Variants in SHANK2 observed in about 807,000 individuals in gnomAD.
The protein encoded by SHANK2 is SH3 and multiple ankyrin repeat domains 2.
SHANK2 carries 43 observed loss-of-function variants against 133.7 expected under a neutral mutation model. The ratio of observed to expected loss-of-function variants is 0.32; its 90% CI spans 0.25 to 0.41. SHANK2 has a LOEUF of 0.41. Ranked by LOEUF, SHANK2 falls within the 10% of genes least tolerant of loss-of-function variation. SHANK2 has a pLI of 1.00. For synonymous variants in SHANK2, 1,017 were observed against 952.8 expected (o/e 1.07, Z -1.24); for missense variants, 1,994 against 2,235.8 (o/e 0.89, Z 2.18).
Position 70,502,279 on chromosome 11 carries a change from C to T in SHANK2, c.2205G>A (p.Pro735=), listed in dbSNP as rs367733874. ...PDDTARKKAP[P]PPKRAPTTAL... ...CTGTGGTCGGTGCCCGCTTTGGAGG[C>T]GGGGGAGCTGGAGGGCAGAGGAGAG... is the stretch of plus-strand genomic sequence containing the variant. Residue 735 remains proline (P), a synonymous_variant, in exon 19 of 26, where the codon CCG becomes CCA. Transcript: ENST00000601538. 19 of 1,555,164 alleles carry T rather than the reference C, an allele frequency of 1.2e-5. No individual in the cohort carries two copies. The highest frequency in any genetic ancestry group is 1.1e-4 in the African/African-American group (8 of 73,748).
At chr11:70,716,762 G>C (rs553095489) in intron 14 of SHANK2, among the ~76,000 whole-genome samples, 1 of 152,200 alleles carries the variant, frequency 6.6e-6, no homozygotes, top group Non-Finnish European at 1.5e-5. Context: ...AAGACCAGCG[G>C]GGAGACTGGG....
At chr11:70,675,625 G>A (rs1358330270) in intron 15 of SHANK2, among the ~76,000 whole-genome samples, 2 of 152,240 alleles carry the variant, frequency 1.3e-5, no homozygotes, top group Non-Finnish European at 2.9e-5. Flanking sequence ...CTAGCAGCAT[G>A]TTCTGGAGAA....
Position 70,820,602 on chromosome 11 carries a change from G to C in SHANK2, c.1255C>G (p.Arg419Gly). 1 of 715,488 alleles carries C rather than the reference G, an allele frequency of 1.4e-6. No individual in the cohort carries two copies. Among genetic ancestry groups the C allele is most frequent in the South Asian group, 1.5e-5 (1 of 67,472 alleles). The allele number at this position is 715,488 out of a possible 1,614,324, so 44.3% of individuals were successfully genotyped here. A position where few individuals can be genotyped will look rare whatever the true frequency, so the allele number is the denominator to read the frequency against. The part of the protein sequence containing the change: ...NTLAAPRVLL[R>G]SNSDNNLNAS... ...TTGAGGTTGTTGTCACTGTTGGAGC[G>C]CAGCAGGACCCGGGGGGCGGCCAGC... The change falls in exon 12 of 26, where the codon CGC (arginine) becomes GGC (glycine). Residue 419 changes from arginine (R) to glycine (G), a missense_variant. Arg to Gly is a moderately radical substitution (Grantham distance 125). This residue lies in a region of SHANK2 where 653 missense variants were observed against 563.4 expected (regional missense o/e 1.16). Transcript: ENST00000601538.
chr11:71,097,981 T>TGTGTGCATGTGCATGC (rs1403207245), intron 6 of SHANK2, among the ~76,000 whole-genome samples: 104 of 150,808 alleles, frequency 6.9e-4, no homozygotes, highest in African/African-American at 2.5e-3. Flanking sequence ...CATGTGCCTG[T>TGTGTGCATGTGCATGC]GTGTGCATGT....
chr11:70,588,762 A>C (rs2060284804), intron 17 of SHANK2, among the ~76,000 whole-genome samples: 1 of 152,264 alleles, frequency 6.6e-6, no homozygotes, highest in South Asian at 2.1e-4. Flanking sequence ...CAGAGGATCT[A>C]GTTAACTTCA....
intron 17 of SHANK2, among the ~76,000 whole-genome samples, chr11:70,504,677 G>A (rs577561075): frequency 9.2e-5 from 14 of 152,264 alleles, no homozygotes; most frequent in Admixed American, 2.6e-4. Flanking sequence ...CAGCGGCAGC[G>A]GTCTTTGCAA....
chr11:70,483,374 A>T (rs1248047180), intron 25 of SHANK2, among the ~76,000 whole-genome samples: 2 of 152,046 alleles, frequency 1.3e-5, no homozygotes, highest in Non-Finnish European at 2.9e-5. Context: ...CCACATTAGT[A>T]TGTAATGGGG....
chr11:71,229,332 A>T (rs551295738), intron 1 of SHANK2, among the ~76,000 whole-genome samples: 67 of 152,224 alleles, frequency 4.4e-4, no homozygotes, highest in African/African-American at 1.6e-3. Flanking sequence ...CAACCATAAA[A>T]CCCCAAAACC....
chr11:70,676,436 G>T (rs1266164853), intron 15 of SHANK2, among the ~76,000 whole-genome samples: 9 of 152,200 alleles, frequency 5.9e-5, no homozygotes, highest in Non-Finnish European at 2.9e-5. Context: ...TTACGTTCCT[G>T]AGTAGGACGT....
Position 71,171,572 on chromosome 11 carries a change from C to T in SHANK2, c.-12-24234G>A, listed in dbSNP as rs543335933. On this transcript the variant is annotated intron_variant, in intron 2 of 25. Coordinates refer to ENST00000601538, the MANE Select transcript of SHANK2 (RefSeq NM_012309.5). The stretch of plus-strand genomic sequence containing the variant: ...GAGAGGATGAGTGTGTCCAGCCCAG[C>T]GGCTCCATGCCCTCGCCCCTTCTCT... Among the ~76,000 whole-genome samples, 5 of 152,286 alleles carry T rather than the reference C, an allele frequency of 3.3e-5. No homozygotes were observed. In the East Asian group the frequency reaches 5.8e-4, roughly 18 times the overall value.
chr11:70,830,953 T>C lies in SHANK2; in HGVS notation c.1175-10271A>G, dbSNP rs1229538019. On this transcript the variant is annotated intron_variant, in intron 11 of 25. Coordinates refer to ENST00000601538, the MANE Select transcript of SHANK2 (RefSeq NM_012309.5). The surrounding 1 kb of genome is among the most constrained non-coding windows in gnomAD (Gnocchi z 4.4). ...TCTGCCTTTAGACCCACTGTTCCTA[T>C]AGGGGTCCTGCGTGGAGGGCCTACA... 1.3e-5 allele frequency among the ~76,000 whole-genome samples: 2 copies of C among 152,138 alleles called. No homozygotes were observed. Among genetic ancestry groups the C allele is most frequent in the African/African-American group, 2.4e-5 (1 of 41,426 alleles).
At position 71,056,505 on chromosome 11, in the gene SHANK2, GTTT is replaced by G. The variant is rs1950922335; in HGVS notation, c.1080_1082del (p.Lys360del). ...CCTGAAATGGAGTCTGGCTGTTGTA[GTTT>G]TTTAACTCCTTATTTCCGCCTCGAA... On this transcript the variant is annotated inframe_deletion, in exon 10 of 26. Coordinates refer to ENST00000601538, the MANE Select transcript of SHANK2 (RefSeq NM_012309.5). 1 of 152,204 alleles carries G rather than the reference GTTT, an allele frequency of 6.6e-6. No homozygotes were observed. The highest frequency in any genetic ancestry group is 1.5e-5 in the Non-Finnish European group (1 of 68,048). 9.4% of individuals were successfully genotyped at this position (152,204 alleles called of 1,614,324 possible). A position where few individuals can be genotyped will look rare whatever the true frequency, so the allele number is the denominator to read the frequency against.
chr11:70,559,514 G>A (rs2059879495), intron 17 of SHANK2, among the ~76,000 whole-genome samples: 2 of 152,126 alleles, frequency 1.3e-5, no homozygotes, highest in South Asian at 4.2e-4. Flanking sequence ...GACCCCCAGA[G>A]CCGCCTCAGC....
At chr11:70,903,553 C>T (rs1289203936) in intron 10 of SHANK2, among the ~76,000 whole-genome samples, 1 of 152,126 alleles carries the variant, frequency 6.6e-6, no homozygotes, top group Non-Finnish European at 1.5e-5. Context: ...AGACTGGGGA[C>T]TCGATCCATC....
chr11:70,708,130 T>C (rs1945704560), intron 14 of SHANK2, among the ~76,000 whole-genome samples: 1 of 152,240 alleles, frequency 6.6e-6, no homozygotes, highest in African/African-American at 2.4e-5. Flanking sequence ...CTGGCGTCCC[T>C]AGACCAAGGT....
chr11:70,914,291 C>T (rs7123688), intron 10 of SHANK2, among the ~76,000 whole-genome samples: 51 of 152,016 alleles, frequency 3.4e-4, no homozygotes, highest in Non-Finnish European at 5.6e-4. Flanking sequence ...CCGACCCTCT[C>T]GGTCTTCCTC....
At chr11:70,902,290 CAA>C (rs1255899077) in intron 10 of SHANK2, among the ~76,000 whole-genome samples, 1 of 152,190 alleles carries the variant, frequency 6.6e-6, no homozygotes, top group African/African-American at 2.4e-5. Flanking sequence ...GACATTTAAA[CAA>C]GAGTTATGTA....
At chr11:70,684,572 C>G (rs1275757828) in intron 15 of SHANK2, among the ~76,000 whole-genome samples, 8 of 152,216 alleles carry the variant, frequency 5.3e-5, no homozygotes, top group African/African-American at 1.9e-4. Flanking sequence ...AGCCCCCTAC[C>G]CCCACCCCAA....
intron 17 of SHANK2, among the ~76,000 whole-genome samples, chr11:70,541,929 T>C (rs571297810): frequency 5.5e-4 from 83 of 152,266 alleles, no homozygotes; most frequent in Admixed American, 5.1e-3. Flanking sequence ...GCAGGACCCA[T>C]GCAAACCAGA....
Sources: allele counts gnomAD v4.1 joint callset (sites outside exome capture counted in the v4.1 genomes callset), GRCh38; gene constraint gnomAD v4.1.1; regional missense constraint gnomAD v4.1.1; non-coding constraint Gnocchi (gnomAD v3.1); transcripts MANE v1.5; gene names NCBI Gene and HGNC (gene_info 2026-07-23, HGNC 2026-07-21).